Variants in ETV6 observed in about 807,000 individuals in gnomAD.
ETV6 encodes transcription factor ETV6.
Under a neutral mutation model 51.1 loss-of-function variants are expected in ETV6, and 16 were observed. The ratio of observed to expected loss-of-function variants is 0.31; its 90% CI spans 0.21 to 0.48. ETV6 has a LOEUF of 0.48. Ranked by LOEUF, ETV6 falls within the 20% of genes least tolerant of loss-of-function variation. The pLI is 0.99. For missense variants in ETV6, 458 were observed against 594.8 expected (o/e 0.77, Z 2.39); for synonymous variants, 240 against 224.1 (o/e 1.07, Z -0.64).
At chr12:11,697,971 A>T (rs897495404) in intron 1 of ETV6, among the ~76,000 whole-genome samples, 1 of 152,210 alleles carries the variant, frequency 6.6e-6, no homozygotes, top group Non-Finnish European at 1.5e-5. Flanking sequence ...GAAAAGGCTG[A>T]CTTGCCTAAT....
At chr12:11,736,766 CA>C (rs908860738) in intron 1 of ETV6, among the ~76,000 whole-genome samples, 2 of 152,070 alleles carry the variant, frequency 1.3e-5, no homozygotes, top group Non-Finnish European at 2.9e-5. Flanking sequence ...CAGCTTGTAG[CA>C]AGATTTTTAT....
chr12:11,767,440 T>G (rs1945178599), intron 2 of ETV6, among the ~76,000 whole-genome samples: 1 of 152,186 alleles, frequency 6.6e-6, no homozygotes, highest in South Asian at 2.1e-4. Context: ...TTAGTAGAAG[T>G]CTTCTATGTG....
At chr12:11,805,437 CAA>C (rs1351555368) in intron 2 of ETV6, among the ~76,000 whole-genome samples, 1 of 152,108 alleles carries the variant, frequency 6.6e-6, no homozygotes, top group African/African-American at 2.4e-5. Context: ...CAGGGATAGA[CAA>C]GATATGTCTC....
At chr12:11,769,634 G>A (rs1261782057) in intron 2 of ETV6, among the ~76,000 whole-genome samples, 3 of 152,130 alleles carry the variant, frequency 2.0e-5, no homozygotes, top group Non-Finnish European at 4.4e-5. Context: ...GCAGCCAGTG[G>A]GGTCTTTTAA....
intron 4 of ETV6, among the ~76,000 whole-genome samples, chr12:11,864,687 G>T (rs914790806): frequency 6.6e-6 from 1 of 152,080 alleles, no homozygotes; most frequent in Non-Finnish European, 1.5e-5. Flanking sequence ...TATGCATTTG[G>T]GTTAAAGTGA....
intron 1 of ETV6, among the ~76,000 whole-genome samples, chr12:11,730,926 T>A (rs1038709506): frequency 6.6e-6 from 1 of 152,130 alleles, no homozygotes; most frequent in Non-Finnish European, 1.5e-5. Context: ...TTTCTGTGAG[T>A]AGAGGCCCAG....
chr12:11,842,407 T>C (rs2855717), intron 3 of ETV6, among the ~76,000 whole-genome samples: 1 of 147,832 alleles, frequency 6.8e-6, no homozygotes, highest in Non-Finnish European at 1.5e-5. Flanking sequence ...TTGACACAGA[T>C]ACACACACAC....
In ETV6 at chr12:11,753,354, C is replaced by G. The variant is rs115720276; in HGVS notation, c.163+775C>G. The stretch of plus-strand genomic sequence containing the variant: ...TTTTTGTCTGCCTTTCTCATACTGC[C>G]ACCCAGCTCAGGTGATAAAACAGGA... On this transcript the variant is annotated intron_variant, in intron 2 of 7. Coordinates refer to ENST00000396373, the MANE Select transcript of ETV6 (RefSeq NM_001987.5). 4.0e-3 allele frequency among the ~76,000 whole-genome samples: 616 copies of G among 152,302 alleles called. 7 individuals carry two copies. The highest frequency in any genetic ancestry group is 0.014 in the African/African-American group (588 of 41,550).
Position 11,893,916 on chromosome 12 carries a change from C to G in ETV6, c.*2870C>G, listed in dbSNP as rs1181461853. On this transcript the variant is annotated 3_prime_UTR_variant, in exon 8 of 8. Coordinates refer to ENST00000396373, the MANE Select transcript of ETV6 (RefSeq NM_001987.5). ...TAAAAATCCGAGACCCAGAACACTTCTGGTCCCAAGCATTTCAGATAAGGG... is the reference window on the plus strand; with the variant it reads ...TAAAAATCCGAGACCCAGAACACTTGTGGTCCCAAGCATTTCAGATAAGGG... 9.9e-6 allele frequency: 2 copies of G among 202,924 alleles called. No homozygotes were observed. Among genetic ancestry groups the G allele is most frequent in the Admixed American group, 1.2e-4 (2 of 16,520 alleles). The allele number at this position is 202,924 out of a possible 1,614,324, so 12.6% of individuals were successfully genotyped here.
In ETV6 at chr12:11,716,204, G is replaced by A. The variant is rs1325706917; in HGVS notation, c.34-36246G>A. Among the ~76,000 whole-genome samples the A allele has an allele frequency of 6.6e-5, 10 of 151,914 alleles. 1 individual carries two copies. In the Middle Eastern group the frequency reaches 0.01, roughly 155 times the overall value. ...AAATTAGCCGGGCATGGTGGTGGGCGCCTGTAGTCCCAGCTACTCGGGAGG... is the reference window on the plus strand; with the variant it reads ...AAATTAGCCGGGCATGGTGGTGGGCACCTGTAGTCCCAGCTACTCGGGAGG... On this transcript the variant is annotated intron_variant, in intron 1 of 7. Transcript: ENST00000396373.
chr12:11,735,571 G>A (rs1865688533), intron 1 of ETV6, among the ~76,000 whole-genome samples: 1 of 152,166 alleles, frequency 6.6e-6, no homozygotes, highest in Non-Finnish European at 1.5e-5. Flanking sequence ...TCCAGGCCTG[G>A]CTTGTCACTT....
rs1947299007 is a variant in ETV6, at chr12:11,892,107, G to GATTT, written c.*1066_*1069dup. 4.3e-6 allele frequency: 1 copy of GATTT among 232,622 alleles called. No homozygotes were observed. The highest frequency in any genetic ancestry group is 6.0e-5 in the East Asian group (1 of 16,550). 14.4% of individuals were successfully genotyped at this position (232,622 alleles called of 1,614,324 possible). ...CTGGGCAAAAATATTCTGCAGTGGG[G>GATTT]ATTTATTTTTCCAAAGCAGGTAACA... On this transcript the variant is annotated 3_prime_UTR_variant, in exon 8 of 8. Transcript: ENST00000396373.
chr12:11,693,621 T>G (rs74062386), intron 1 of ETV6, among the ~76,000 whole-genome samples: 1,659 of 152,330 alleles, frequency 0.011, 32 homozygotes, highest in African/African-American at 0.038. Flanking sequence ...GTAGTTTTTT[T>G]CTGTCCAGGG....
chr12:11,728,297 A>G (rs932624726), intron 1 of ETV6, among the ~76,000 whole-genome samples: 1 of 152,200 alleles, frequency 6.6e-6, no homozygotes, highest in Non-Finnish European at 1.5e-5. Context: ...AGTTTATACC[A>G]GGGGTCCCCA....
At chr12:11,849,522 A>G (rs1431228885) in intron 3 of ETV6, among the ~76,000 whole-genome samples, 1 of 152,256 alleles carries the variant, frequency 6.6e-6, no homozygotes, top group Non-Finnish European at 1.5e-5. Context: ...GACACTGGAA[A>G]TGAAAGAAGA....
At chr12:11,870,287 G>T (rs189467681) in intron 5 of ETV6, among the ~76,000 whole-genome samples, 52 of 152,238 alleles carry the variant, frequency 3.4e-4, no homozygotes, top group African/African-American at 1.1e-3. Flanking sequence ...GCATGCTAAT[G>T]GCCCTGTCCT....
At chr12:11,862,836 G>A (rs1376633834) in intron 4 of ETV6, among the ~76,000 whole-genome samples, 1 of 152,140 alleles carries the variant, frequency 6.6e-6, no homozygotes, top group Non-Finnish European at 1.5e-5. Context: ...ATAAGAGACC[G>A]GGAGTGGTAT....
At chr12:11,721,743 A>G (rs1362216683) in intron 1 of ETV6, among the ~76,000 whole-genome samples, 1 of 152,234 alleles carries the variant, frequency 6.6e-6, no homozygotes, top group African/African-American at 2.4e-5. Context: ...GAATTAAGCA[A>G]GGTAATATTT....
Position 11,874,168 on chromosome 12 carries a change from G to T in ETV6, c.1009+4199G>T, listed in dbSNP as rs982546417. 8.6e-4 allele frequency among the ~76,000 whole-genome samples: 39 copies of T among 45,460 alleles called. 12 individuals are homozygous for T. Among genetic ancestry groups the T allele is most frequent in the Non-Finnish European group, 1.1e-3 (28 of 24,412 alleles). The allele number at this position is 45,460 out of a possible 152,430, so 29.8% of individuals were successfully genotyped here. On this transcript the variant is annotated intron_variant, in intron 5 of 7. Coordinates refer to ENST00000396373, the MANE Select transcript of ETV6 (RefSeq NM_001987.5). ...AGGCTGGCAGATCACCTGAGGTCAG[G>T]ATTTCGAGACCAGCCTGGCCAACAT... is the stretch of plus-strand genomic sequence containing the variant.
Sources: allele counts gnomAD v4.1 joint callset (sites outside exome capture counted in the v4.1 genomes callset), GRCh38; gene constraint gnomAD v4.1.1; transcripts MANE v1.5; gene names NCBI Gene and HGNC (gene_info 2026-07-23, HGNC 2026-07-21).